The following TRPM2 variants were observed in gnomAD, a reference collection of about 807,000 sequenced individuals.
TRPM2 encodes the protein estrogen-responsive element-associated gene 1 protein.
In TRPM2, 161 loss-of-function variants were observed where a neutral mutation model predicts 174.0. The observed-to-expected ratio is 0.93, with a 90% CI of 0.81 to 1.05. The LOEUF is 1.05. Among genes scored for constraint, TRPM2 ranks in the 50% least tolerant of loss-of-function variants. The pLI is 0.00. For missense variants in TRPM2, 2,057 were observed against 2,038.0 expected (o/e 1.01, Z -0.18); for synonymous variants, 954 against 861.3 (o/e 1.11, Z -1.88).
intron 30 of TRPM2, 82 bp from the exon 31 acceptor site, chr21:44,440,707 G>C (rs948695540): frequency 1.7e-6 from 2 of 1,196,616 alleles, no homozygotes; most frequent in African/African-American, 3.0e-5. Flanking sequence ...TCAGAGCTGG[G>C]TCAGGGTGGA....
At chr21:44,440,750 G>A (rs371210100) in intron 30 of TRPM2, 39 bp from the exon 31 acceptor site, 134 of 1,579,640 alleles carry the variant, frequency 8.5e-5, no homozygotes, top group Non-Finnish European at 1.1e-4. Context: ...CCGCTCAGGT[G>A]TCCCTCGCTG....
intron 14 of TRPM2, among the ~76,000 whole-genome samples, chr21:44,400,058 T>C (rs1325014550): frequency 6.6e-6 from 1 of 151,868 alleles, no homozygotes; most frequent in Non-Finnish European, 1.5e-5. Flanking sequence ...AGAGATGGGG[T>C]CCCATAGCTT....
At chr21:44,436,623 C>T (rs2051280348) in intron 28 of TRPM2, among the ~76,000 whole-genome samples, 1 of 133,032 alleles carries the variant, frequency 7.5e-6, no homozygotes, top group Non-Finnish European at 1.6e-5. Flanking sequence ...CCATGTCACC[C>T]CCACATCACC....
chr21:44,391,424 G>C lies in TRPM2; in HGVS notation c.1593G>C (p.Leu531=). The C allele has an allele frequency of 6.2e-7, 1 of 1,614,044 alleles. No homozygotes were observed. Among genetic ancestry groups the C allele is most frequent in the Non-Finnish European group, 8.5e-7 (1 of 1,180,046 alleles). Residue 531 remains leucine (L), a synonymous_variant, in exon 11 of 32, where the codon CTG becomes CTC. Coordinates refer to ENST00000397928, the MANE Select transcript of TRPM2 (RefSeq NM_003307.4). This position sits in a 1 kb window ranked among gnomAD's most constrained non-coding sequence, Gnocchi z 5.0. ...YLYENLDPSC[L]FHSKLQKVLV... ...ACGAGAACCTGGACCCCTCCTGCCT[G>C]TTCCACAGCAAGCTGCAGAAGGTGC... is the stretch of plus-strand genomic sequence containing the variant.
chr21:44,375,826 A>G lies in TRPM2; in HGVS notation c.772-7A>G, dbSNP rs2048680931. 1 of 1,606,412 alleles carries G rather than the reference A, an allele frequency of 6.2e-7. No individual in the cohort carries two copies. Among genetic ancestry groups the G allele is most frequent in the Non-Finnish European group, 8.5e-7 (1 of 1,174,256 alleles). On this transcript the variant is annotated splice_region_variant and splice_polypyrimidine_tract_variant and intron_variant, in intron 5 of 31. Coordinates refer to ENST00000397928, the MANE Select transcript of TRPM2 (RefSeq NM_003307.4). ...AAGCAGTGTCTGACGCTTCCTGGCC[A>G]TCCCAGGGCAGCTTCCCCGCCGAGT...
Position 44,366,972 on chromosome 21 carries a change from G to A in TRPM2, c.604+38G>A, listed in dbSNP as rs1249127769. On this transcript the variant is annotated intron_variant, in intron 4 of 31. Coordinates refer to ENST00000397928, the MANE Select transcript of TRPM2 (RefSeq NM_003307.4). The surrounding 1 kb of genome is among the most constrained non-coding windows in gnomAD (Gnocchi z 6.0). ...CTGGAGGGACACGAGGCCCCGGCGG[G>A]TGGGGTGGGCTGTGGAGGCAGTGCT... The A allele has an allele frequency of 1.3e-6, 2 of 1,542,348 alleles. No individual in the cohort carries two copies.
chr21:44,436,976 C>A, intron 28 of TRPM2, 86 bp from the exon 29 acceptor site: 1 of 1,248,750 alleles, frequency 8.0e-7, no homozygotes, highest in Non-Finnish European at 1.1e-6. Context: ...CACTGCCCCG[C>A]CCCAGGCAGG....
At chr21:44,383,248 C>A (rs1040914020) in intron 9 of TRPM2, among the ~76,000 whole-genome samples, 14 of 152,146 alleles carry the variant, frequency 9.2e-5, no homozygotes, top group African/African-American at 3.4e-4. Flanking sequence ...CTCTGTGTAA[C>A]TTCTGTTGCT....
intron 19 of TRPM2, among the ~76,000 whole-genome samples, chr21:44,408,572 C>T (rs542057222): frequency 5.3e-5 from 8 of 151,904 alleles, no homozygotes; most frequent in South Asian, 2.1e-4. Flanking sequence ...TCTAAGGACC[C>T]GCCATGCTGA....
intron 4 of TRPM2, among the ~76,000 whole-genome samples, chr21:44,368,879 A>C (rs1246735778): frequency 6.6e-6 from 1 of 152,218 alleles, no homozygotes; most frequent in Non-Finnish European, 1.5e-5. Flanking sequence ...TGGGAGGAAG[A>C]GGGAAAGCAA....
upstream of TRPM2, among the ~76,000 whole-genome samples, chr21:44,352,813 T>C (rs949600646): frequency 2.0e-5 from 3 of 152,254 alleles, no homozygotes; most frequent in African/African-American, 7.2e-5. Context: ...AAGATTCATT[T>C]GAATTATTGT....
In TRPM2 at chr21:44,373,314, G is replaced by A. The variant is rs374177272; in HGVS notation, c.772-2519G>A. On this transcript the variant is annotated intron_variant, in intron 5 of 31. Coordinates refer to ENST00000397928, the MANE Select transcript of TRPM2 (RefSeq NM_003307.4). ...TGATTCTCCTGCCTCAGCCTCCTGA[G>A]TAGCTAGGTCTACAGGCACCCACCA... is the stretch of plus-strand genomic sequence containing the variant. Among the ~76,000 whole-genome samples, 8 of 152,238 alleles carry A rather than the reference G, an allele frequency of 5.3e-5. No individual in the cohort carries two copies. In the East Asian group the frequency reaches 1.2e-3, roughly 22 times the overall value.
At chr21:44,397,714 C>T in intron 12 of TRPM2, 33 bp from the exon 13 acceptor site, 4 of 1,527,956 alleles carry the variant, frequency 2.6e-6, no homozygotes, top group Non-Finnish European at 3.5e-6. Flanking sequence ...GAGCCTGGCT[C>T]TTTAGTCTCA....
intron 17 of TRPM2, 76 bp from the exon 18 acceptor site, chr21:44,405,829 A>T: frequency 1.3e-6 from 2 of 1,542,838 alleles, no homozygotes; most frequent in South Asian, 1.2e-5. Context: ...GGACAGGTGG[A>T]GGGGCGACGG....
At position 44,366,299 on chromosome 21, in the gene TRPM2, GACA is replaced by G. The variant is rs1287691552; in HGVS notation, c.424-454_424-452del. ...GGACAGGAGAGGGGACAGGAGAGGGGACAGGAGAGGGGACAGGAGAGGGGGCAG... is the reference window on the plus strand; with the variant it reads ...GGACAGGAGAGGGGACAGGAGAGGGGGGAGAGGGGACAGGAGAGGGGGCAG... On this transcript the variant is annotated intron_variant, in intron 3 of 31. Transcript: ENST00000397928. This position sits in a 1 kb window ranked among gnomAD's most constrained non-coding sequence, Gnocchi z 6.0. 7.7e-3 allele frequency among the ~76,000 whole-genome samples: 1,156 copies of G among 150,176 alleles called. 28 individuals carry two copies. The highest frequency in any genetic ancestry group is 0.027 in the African/African-American group (1,084 of 40,206).
In TRPM2 at chr21:44,425,751, TG is replaced by T; in HGVS notation, c.3720del (p.Asn1241MetfsTer29). 1 of 1,594,474 alleles carries T rather than the reference TG, an allele frequency of 6.3e-7. No individual in the cohort carries two copies. Among genetic ancestry groups the T allele is most frequent in the Non-Finnish European group, 8.6e-7 (1 of 1,169,246 alleles). Reference protein sequence around the residue: ...KTEEPGDSYHVNARHLLYPNC... With the variant: ...KTEEPGDSYHXNARHLLYPNC... The stretch of plus-strand genomic sequence containing the variant: ...GAGGAGCCGGGCGACAGCTACCACG[TG>T]AATGCCCGGCACCTCCTCTACCCCA... On this transcript the variant is annotated frameshift_variant, in exon 25 of 32. Coordinates refer to ENST00000397928, the MANE Select transcript of TRPM2 (RefSeq NM_003307.4). LOFTEE classifies it high-confidence loss of function.
intron 15 of TRPM2, among the ~76,000 whole-genome samples, chr21:44,400,722 A>G (rs548396909): frequency 6.7e-6 from 1 of 148,518 alleles, no homozygotes; most frequent in East Asian, 2.0e-4. Flanking sequence ...CAGGTCTGGG[A>G]TGCGAGCAGC....
chr21:44,427,614 T>C (rs980230484), intron 27 of TRPM2, among the ~76,000 whole-genome samples: 2 of 152,124 alleles, frequency 1.3e-5, no homozygotes, highest in African/African-American at 2.4e-5. Context: ...GGAAGGAGCC[T>C]GGGAGTCTTG....
Position 44,405,177 on chromosome 21 carries a change from G to A in TRPM2, c.2574G>A (p.Lys858=), listed in dbSNP as rs201214105. The A allele has an allele frequency of 3.7e-6, 6 of 1,613,526 alleles. No homozygotes were observed. In the African/African-American group the frequency reaches 4.0e-5, roughly 11 times the overall value. ...ACCCTGACGAGTGCGGGCTGATGAA[G>A]AAGGCAGCCTTGTACTTCAGTGACT... ...FYDPDECGLM[K]KAALYFSDFW... The change falls in exon 17 of 32, where the codon AAG becomes AAA. Residue 858 remains lysine, a synonymous_variant. Transcript: ENST00000397928.
Sources: allele counts gnomAD v4.1 joint callset (sites outside exome capture counted in the v4.1 genomes callset), GRCh38; gene constraint gnomAD v4.1.1; non-coding constraint Gnocchi (gnomAD v3.1); transcripts MANE v1.5; gene names NCBI Gene and HGNC (gene_info 2026-07-23, HGNC 2026-07-21).